Variants in VIPR2 observed in about 807,000 individuals in gnomAD.
VIPR2 encodes vasoactive intestinal peptide receptor 2.
A neutral mutation model predicts 58.0 loss-of-function variants in VIPR2; 48 were observed. That is an observed-to-expected ratio of 0.83 (90% CI 0.66 to 1.05). VIPR2 has a LOEUF of 1.05. Among genes scored for constraint, VIPR2 ranks in the 50% least tolerant of loss-of-function variants. VIPR2 has a pLI of 0.00. For synonymous variants in VIPR2, 243 were observed against 235.2 expected (o/e 1.03, Z -0.30); for missense variants, 534 against 558.0 (o/e 0.96, Z 0.43).
rs1480531430 is a variant in VIPR2, at chr7:159,066,028, G to A, written c.358-7450C>T. Among the ~76,000 whole-genome samples, 16 of 152,224 alleles carry A rather than the reference G, an allele frequency of 1.1e-4. 1 individual carries two copies. Among genetic ancestry groups the A allele is most frequent in the Admixed American group, 9.8e-4 (15 of 15,286 alleles). On this transcript the variant is annotated intron_variant, in intron 4 of 12. Coordinates refer to ENST00000262178, the MANE Select transcript of VIPR2 (RefSeq NM_003382.5). ...GGTTTTCCTTTAGGGGCCTGCTCCC[G>A]CACTGTCCATGGGATTCCACGATGC...
chr7:159,110,629 C>T (rs1036571075), intron 2 of VIPR2, among the ~76,000 whole-genome samples: 4 of 152,064 alleles, frequency 2.6e-5, no homozygotes, highest in Non-Finnish European at 5.9e-5. Flanking sequence ...ATATTTGAGA[C>T]CTCTAAAATT....
intron 2 of VIPR2, among the ~76,000 whole-genome samples, chr7:159,134,959 T>C (rs1249446037): frequency 2.0e-5 from 3 of 149,794 alleles, no homozygotes; most frequent in East Asian, 2.0e-4. Flanking sequence ...GCCTGGCCAA[T>C]AGGACAATAT....
At chr7:159,036,072 G>A (rs1563258004) in intron 7 of VIPR2, 60 bp from the exon 8 acceptor site, 2 of 1,555,526 alleles carry the variant, frequency 1.3e-6, no homozygotes, top group East Asian at 2.3e-5. Context: ...ACACAGGTGG[G>A]TGCCTTCACC....
In VIPR2 at chr7:159,090,621, C is replaced by A. The variant is rs929447156; in HGVS notation, c.357+13136G>T. ...TCAGCACAGACACGCTGGGACCACA[C>A]ACAGAGGCCACCTCTTATGACCATC... On this transcript the variant is annotated intron_variant, in intron 4 of 12. Transcript: ENST00000262178. 3.0e-5 allele frequency among the ~76,000 whole-genome samples: 4 copies of A among 134,044 alleles called. 1 individual carries two copies. 87.9% of individuals were successfully genotyped at this position (134,044 alleles called of 152,430 possible).
chr7:159,100,867 G>A (rs1858168760), intron 4 of VIPR2, among the ~76,000 whole-genome samples: 1 of 149,916 alleles, frequency 6.7e-6, no homozygotes, highest in African/African-American at 2.5e-5. Context: ...TCCTGTGATA[G>A]TGAATGGGTC....
intron 10 of VIPR2, 52 bp from the exon 11 acceptor site, chr7:159,032,119 C>A: frequency 1.2e-6 from 2 of 1,606,872 alleles, no homozygotes; most frequent in East Asian, 2.2e-5. Flanking sequence ...GGACCCTCTG[C>A]AAGCCTGGCT....
intron 4 of VIPR2, among the ~76,000 whole-genome samples, chr7:159,101,710 G>C (rs6459920): frequency 1.6e-4 from 19 of 116,372 alleles, no homozygotes; most frequent in African/African-American, 5.2e-4. Flanking sequence ...AGGCGGTTCC[G>C]ACTGTTCCTG....
intron 4 of VIPR2, among the ~76,000 whole-genome samples, chr7:159,075,126 A>G (rs77004975): frequency 0.013 from 2,044 of 152,320 alleles, 27 homozygotes; most frequent in Admixed American, 0.029. Flanking sequence ...GCTTTTGAAA[A>G]GTTTAGGATC....
chr7:159,068,022 G>A (rs938501145), intron 4 of VIPR2, among the ~76,000 whole-genome samples: 1 of 152,240 alleles, frequency 6.6e-6, no homozygotes, highest in Non-Finnish European at 1.5e-5. Context: ...CATGCTAACC[G>A]CTGGGGAGCT....
In VIPR2 at chr7:159,031,844, CAGT is replaced by C; in HGVS notation, c.1124_1126del (p.Tyr375del). 2 of 1,613,970 alleles carry C rather than the reference CAGT, an allele frequency of 1.2e-6. No individual in the cohort carries two copies. The highest frequency in any genetic ancestry group is 1.7e-6 in the Non-Finnish European group (2 of 1,180,010). ...TGAACTTACCTCACTGTTCAGGAAA[CAGT>C]AGAGGACGGCCACCACCAGGCCCTG... On this transcript the variant is annotated inframe_deletion, in exon 12 of 13. Transcript: ENST00000262178. This position sits in a 1 kb window ranked among gnomAD's most constrained non-coding sequence, Gnocchi z 4.0.
At position 159,095,481 on chromosome 7, in the gene VIPR2, T is replaced by C. The variant is rs1857772724; in HGVS notation, c.357+8276A>G. ...GAATGTGACAACTGAGTTTCCTCTT[T>C]GTACTGACAAAGTCTGGGGTTCAAA... is the stretch of plus-strand genomic sequence containing the variant. On this transcript the variant is annotated intron_variant, in intron 4 of 12. Transcript: ENST00000262178. This position sits in a 1 kb window ranked among gnomAD's most constrained non-coding sequence, Gnocchi z 5.2. Among the ~76,000 whole-genome samples, 1 of 152,252 alleles carries C rather than the reference T, an allele frequency of 6.6e-6. No individual in the cohort carries two copies. The highest frequency in any genetic ancestry group is 2.4e-5 in the African/African-American group (1 of 41,468).
At chr7:159,135,225 GT>G (rs1227479561) in intron 2 of VIPR2, among the ~76,000 whole-genome samples, 2 of 151,316 alleles carry the variant, frequency 1.3e-5, no homozygotes, top group Non-Finnish European at 2.9e-5. Context: ...CACTTGAGGA[GT>G]TCAAGACCAG....
chr7:159,073,688 C>T (rs1021730493), intron 4 of VIPR2, among the ~76,000 whole-genome samples: 5 of 152,236 alleles, frequency 3.3e-5, no homozygotes, highest in East Asian at 3.9e-4. Flanking sequence ...TGATTACAGG[C>T]GTGAGCCACC....
intron 4 of VIPR2, among the ~76,000 whole-genome samples, chr7:159,076,423 G>A (rs1216698158): frequency 3.9e-5 from 6 of 152,178 alleles, no homozygotes; most frequent in Admixed American, 3.9e-4. Context: ...TATCCTTACA[G>A]TGCACAAATG....
At chr7:159,104,402 A>G (rs1483871636) in intron 3 of VIPR2, among the ~76,000 whole-genome samples, 1 of 144,448 alleles carries the variant, frequency 6.9e-6, no homozygotes, top group Non-Finnish European at 1.5e-5. Context: ...CACGACAGTG[A>G]CCAGGTGTCC....
intron 4 of VIPR2, among the ~76,000 whole-genome samples, chr7:159,070,941 C>G (rs1459932431): frequency 2.6e-5 from 4 of 152,186 alleles, no homozygotes; most frequent in African/African-American, 9.7e-5. Context: ...AGCAGCGTGG[C>G]CCAGCAGCAC....
intron 2 of VIPR2, among the ~76,000 whole-genome samples, chr7:159,132,893 CAGACAGAATGATTGGCATACAGAT>C (rs1797011847): frequency 5.9e-4 from 14 of 23,792 alleles, no homozygotes; most frequent in African/African-American, 1.8e-3. Flanking sequence ...AGATTGATTT[CAGACAGAATGATTGGCATACAGAT>C]TGATTTCAGA....
intron 4 of VIPR2, among the ~76,000 whole-genome samples, chr7:159,063,593 G>A (rs187820394): frequency 0.013 from 2,044 of 151,658 alleles, 28 homozygotes; most frequent in Admixed American, 0.029. Flanking sequence ...GCAGCGGCGG[G>A]CTGAAGCGCT....
At chr7:159,054,454 G>A (rs1585373163) in intron 5 of VIPR2, among the ~76,000 whole-genome samples, 1 of 152,142 alleles carries the variant, frequency 6.6e-6, no homozygotes, top group African/African-American at 2.4e-5. Context: ...TGAAAGGCTC[G>A]AAGACTCCTA....
Sources: allele counts gnomAD v4.1 joint callset (sites outside exome capture counted in the v4.1 genomes callset), GRCh38; gene constraint gnomAD v4.1.1; non-coding constraint Gnocchi (gnomAD v3.1); transcripts MANE v1.5; gene names NCBI Gene and HGNC (gene_info 2026-07-23, HGNC 2026-07-21).